The following GPANK1 variants were observed in gnomAD, a reference collection of about 807,000 sequenced individuals.
GPANK1 encodes G patch domain and ankyrin repeat-containing protein 1.
In GPANK1, 22 loss-of-function variants were observed where a neutral mutation model predicts 24.0. The ratio of observed to expected loss-of-function variants is 0.92; its 90% CI spans 0.66 to 1.31. The LOEUF is 1.31. Ranked by LOEUF, GPANK1 falls within the 50% of genes most tolerant of loss-of-function variation. The pLI is 0.00. For synonymous variants in GPANK1, 174 were observed against 177.4 expected (o/e 0.98, Z 0.15); for missense variants, 469 against 453.5 (o/e 1.03, Z -0.31).
In GPANK1 at chr6:31,663,974, A is replaced by G. The variant is rs1801256770; in HGVS notation, c.505T>C (p.Trp169Arg). 1 of 1,614,088 alleles carries G rather than the reference A, an allele frequency of 6.2e-7. No individual in the cohort carries two copies. The highest frequency in any genetic ancestry group is 1.3e-5 in the African/African-American group (1 of 75,044). Residue 169 changes from tryptophan (W) to arginine (R), a missense_variant, in exon 2 of 3, where the codon TGG becomes CGG. Coordinates refer to ENST00000375896, the MANE Select transcript of GPANK1 (RefSeq NM_033177.4). ...VSYLLGRGAAWVGVCELSGRD... is the reference protein window; with the variant it reads ...VSYLLGRGAARVGVCELSGRD... Reference sequence around the variant, plus strand: ...CCACTCAGCTCACAGACCCCCACCCAGGCAGCCCCACGGCCCAGGAGATAG... The same window carrying G: ...CCACTCAGCTCACAGACCCCCACCCGGGCAGCCCCACGGCCCAGGAGATAG...
upstream of GPANK1, chr6:31,665,558 C>A: frequency 2.0e-6 from 3 of 1,463,504 alleles, no homozygotes; most frequent in Non-Finnish European, 1.9e-6. Flanking sequence ...TCCCTACGCA[C>A]GGAGCCAAGC....
At chr6:31,666,112 C>T (rs987886261), upstream of GPANK1, 17 of 993,282 alleles carry the variant, frequency 1.7e-5, no homozygotes, top group South Asian at 4.3e-5. Flanking sequence ...CTTCGCCTGC[C>T]GCGGTCGGGT....
upstream of GPANK1, chr6:31,665,779 CCTT>C: frequency 9.2e-7 from 1 of 1,086,234 alleles, no homozygotes; most frequent in South Asian, 1.7e-5. Context: ...CTGGCTCCCT[CCTT>C]TCCCCGCCCT....
At chr6:31,665,564 C>T (rs550538410), upstream of GPANK1, 31 of 1,405,264 alleles carry the variant, frequency 2.2e-5, no homozygotes, top group African/African-American at 4.4e-4. Context: ...CGCACGGAGC[C>T]AAGCCGCACC....
chr6:31,665,871 CT>C (rs1286096538), upstream of GPANK1: 4 of 1,114,506 alleles, frequency 3.6e-6, no homozygotes, highest in Non-Finnish European at 4.4e-6. Context: ...CTGGCTTCCG[CT>C]TCCGGTGGCT....
At chr6:31,663,826 T>C (rs1358705398) in intron 2 of GPANK1, 27 bp downstream of exon 2, 3 of 1,530,236 alleles carry the variant, frequency 2.0e-6, no homozygotes, top group South Asian at 1.3e-5. Flanking sequence ...CAATGAGACA[T>C]GGGTCTGAGC....
chr6:31,666,096 A>G (rs954580020), upstream of GPANK1: 5 of 945,506 alleles, frequency 5.3e-6, no homozygotes, highest in African/African-American at 4.4e-5. Flanking sequence ...CACTCCCCCC[A>G]CCCCACTTCG....
chr6:31,664,793 A>C, intron 1 of GPANK1, 48 bp downstream of exon 1: 1 of 395,776 alleles, frequency 2.5e-6, no homozygotes. Flanking sequence ...CACCAACAAT[A>C]AACACCAGCC....
chr6:31,664,360 G>A lies in GPANK1; in HGVS notation c.119C>T (p.Ala40Val). The A allele has an allele frequency of 6.2e-7, 1 of 1,614,208 alleles. No homozygotes were observed. The highest frequency in any genetic ancestry group is 1.3e-5 in the African/African-American group (1 of 75,044). ...KPESTLDGAA[A>V]RAFYEALIGD... The stretch of plus-strand genomic sequence containing the variant: ...AATCAGGGCCTCATAGAAAGCTCGG[G>A]CTGCAGCCCCATCCAGGGTGGACTC... Residue 40 changes from alanine (A) to valine (V), a missense_variant, in exon 2 of 3, where the codon GCC becomes GTC. By Grantham distance (64) the Ala-to-Val change is moderately conservative (BLOSUM62 0). Coordinates refer to ENST00000375896, the MANE Select transcript of GPANK1 (RefSeq NM_033177.4).
rs1261897966 is a variant in GPANK1, at chr6:31,664,007, C to G, written c.472G>C (p.Ala158Pro). The G allele has an allele frequency of 6.2e-7, 1 of 1,614,200 alleles. No individual in the cohort carries two copies. Among genetic ancestry groups the G allele is most frequent in the Admixed American group, 1.7e-5 (1 of 60,034 alleles). Residue 158 changes from alanine (A) to proline (P), a missense_variant, in exon 2 of 3, where the codon GCT (alanine) becomes CCT (proline). Transcript: ENST00000375896. ...CCACGGCCCAGGAGATAGCTCACAG[C>G]TGCCCCCTGGCCCGCTCGAGCAGCA... ...MCAARAGQGA[A>P]VSYLLGRGAA...
In GPANK1 at chr6:31,662,912, G is replaced by A. The variant is rs1801084160; in HGVS notation, c.627-202C>T. ...CGGGCAGATGGCTTTGAGCTCAGGA[G>A]TTTGAGACCAGCCTGGGCAAAATGG... On this transcript the variant is annotated intron_variant, in intron 2 of 2. Transcript: ENST00000375896. This position sits in a 1 kb window ranked among gnomAD's most constrained non-coding sequence, Gnocchi z 5.5. Among the ~76,000 whole-genome samples the A allele has an allele frequency of 1.3e-5, 2 of 150,204 alleles. No homozygotes were observed. The highest frequency in any genetic ancestry group is 3.0e-5 in the Non-Finnish European group (2 of 67,668).
chr6:31,665,377 A>G, upstream of GPANK1: 5 of 1,404,312 alleles, frequency 3.6e-6, no homozygotes, highest in Non-Finnish European at 4.9e-6. Context: ...GTGTAATGAA[A>G]TAACGTCACG....
At chr6:31,665,987 A>G, upstream of GPANK1, 5 of 1,011,238 alleles carry the variant, frequency 4.9e-6, no homozygotes, top group Non-Finnish European at 4.7e-6. Context: ...TCATTTAGCC[A>G]GTTTCTTTCT....
At chr6:31,666,260 A>T, upstream of GPANK1, 1 of 894,550 alleles carries the variant, frequency 1.1e-6, no homozygotes, top group Non-Finnish European at 1.3e-6. Context: ...GGAGCGGCAC[A>T]TGGGGTCTCC....
rs773187314 is a variant in GPANK1, at chr6:31,664,125, T to C, written c.354A>G (p.Pro118=). 1.7e-5 allele frequency: 28 copies of C among 1,614,120 alleles called. No individual in the cohort carries two copies. The highest frequency in any genetic ancestry group is 2.4e-5 in the Non-Finnish European group (28 of 1,180,048). The change falls in exon 2 of 3, where the codon CCA becomes CCG. Residue 118 remains proline (P), a synonymous_variant. Coordinates refer to ENST00000375896, the MANE Select transcript of GPANK1 (RefSeq NM_033177.4). ...ILRAAQEGDL[P]ELRRLLEPHE... ...GCGGTTCCAGCAGTCTCCTAAGTTC[T>C]GGCAGGTCCCCCTCCTGGGCTGCCC... is the stretch of plus-strand genomic sequence containing the variant.
At position 31,662,132 on chromosome 6, in the gene GPANK1, C is replaced by G. The variant is rs1419993287; in HGVS notation, c.*134G>C. 1 of 532,542 alleles carries G rather than the reference C, an allele frequency of 1.9e-6. No individual in the cohort carries two copies. The highest frequency in any genetic ancestry group is 3.4e-6 in the Non-Finnish European group (1 of 295,124). The allele number at this position is 532,542 out of a possible 1,614,324, so 33.0% of individuals were successfully genotyped here. On this transcript the variant is annotated 3_prime_UTR_variant, in exon 3 of 3. Coordinates refer to ENST00000375896, the MANE Select transcript of GPANK1 (RefSeq NM_033177.4). The surrounding 1 kb of genome is among the most constrained non-coding windows in gnomAD (Gnocchi z 5.5). ...TTTCTGACTCTCAGCCCGTCTCTCA[C>G]GAAGACAGAGCCTATTGACCAAAAA...
chr6:31,662,124 G>C lies in GPANK1; in HGVS notation c.*142C>G, dbSNP rs572251180. On this transcript the variant is annotated 3_prime_UTR_variant, in exon 3 of 3. Transcript: ENST00000375896. The surrounding 1 kb of genome is among the most constrained non-coding windows in gnomAD (Gnocchi z 5.5). ...TTGATTTATTTCTGACTCTCAGCCC[G>C]TCTCTCACGAAGACAGAGCCTATTG... 2.0e-6 allele frequency: 1 copy of C among 504,940 alleles called. No individual in the cohort carries two copies. The allele number at this position is 504,940 out of a possible 1,614,324, so 31.3% of individuals were successfully genotyped here.
chr6:31,666,108 C>T (rs936400405), upstream of GPANK1: 10 of 993,514 alleles, frequency 1.0e-5, no homozygotes, highest in African/African-American at 1.0e-4. Context: ...CCCACTTCGC[C>T]TGCCGCGGTC....
At position 31,662,738 on chromosome 6, in the gene GPANK1, G is replaced by C. The variant is rs759649450; in HGVS notation, c.627-28C>G. 2 of 1,451,578 alleles carry C rather than the reference G, an allele frequency of 1.4e-6. No individual in the cohort carries two copies. Among genetic ancestry groups the C allele is most frequent in the Non-Finnish European group, 1.9e-6 (2 of 1,057,710 alleles). The allele number at this position is 1,451,578 out of a possible 1,614,324, so 89.9% of individuals were successfully genotyped here. ...GCAGAGAAAGAAGAAAAAGCATTAA[G>C]GGCAGGGGAAGGAAAAGGGGAAGAG... is the stretch of plus-strand genomic sequence containing the variant. On this transcript the variant is annotated intron_variant, in intron 2 of 2. Transcript: ENST00000375896. The surrounding 1 kb of genome is among the most constrained non-coding windows in gnomAD (Gnocchi z 5.5).
Sources: gnomAD v4.1 joint callset for allele counts (sites outside exome capture counted in the v4.1 genomes callset) on GRCh38, gnomAD v4.1.1 for gene constraint, Gnocchi (gnomAD v3.1) non-coding constraint, MANE v1.5 for transcripts, NCBI Gene and HGNC (gene_info 2026-07-23, HGNC 2026-07-21) for gene names.